PHIP: variants seen among roughly 807,000 people sequenced by gnomAD.
The protein encoded by PHIP is PHIP subunit of CUL4-Ring ligase complex.
In PHIP, 54 loss-of-function variants were observed where a neutral mutation model predicts 236.8. That is an observed-to-expected ratio of 0.23 (90% CI 0.18 to 0.29). PHIP has a LOEUF of 0.29. Among genes scored for constraint, PHIP ranks in the 10% least tolerant of loss-of-function variants. The pLI is 1.00. For missense variants in PHIP, 1,370 were observed against 2,190.8 expected (o/e 0.63, Z 7.48); for synonymous variants, 756 against 718.9 (o/e 1.05, Z -0.83).
At chr6:78,979,530 A>C (rs1419370542) in intron 23 of PHIP, among the ~76,000 whole-genome samples, 1 of 152,096 alleles carries the variant, frequency 6.6e-6, no homozygotes, top group East Asian at 1.9e-4. Context: ...CATAAGCTGG[A>C]CATTACACTT....
intron 7 of PHIP, among the ~76,000 whole-genome samples, chr6:79,028,540 C>T (rs1287060680): frequency 6.6e-6 from 1 of 152,146 alleles, no homozygotes; most frequent in Non-Finnish European, 1.5e-5. Flanking sequence ...GAAAGCTGGT[C>T]TATACGCACA....
chr6:78,941,274 C>T lies in PHIP; in HGVS notation c.4885G>A (p.Gly1629Arg), dbSNP rs752612974. The T allele has an allele frequency of 1.1e-5, 17 of 1,613,138 alleles. No homozygotes were observed. The South Asian group carries it at 1.9e-4, about 18-fold the overall frequency. The change falls in exon 40 of 40, where the codon GGA (glycine) becomes AGA (arginine). Residue 1629 changes from glycine to arginine, a missense_variant. By Grantham distance (125) the Gly-to-Arg change is moderately radical. This residue lies in a region of PHIP where 309 missense variants were observed against 328.3 expected (regional missense o/e 0.94). Transcript: ENST00000275034. ...CTCTTCACAAGTTTTGATGGCTGTC[C>T]TCCATGGCCATTTACTTGAATGGTT... ...PGTIQVNGHG[G>R]QPSKLVKRGP...
chr6:78,957,930 G>A (rs1175268060), intron 32 of PHIP: 2 of 152,008 alleles, frequency 1.3e-5, no homozygotes, highest in East Asian at 3.8e-4. Flanking sequence ...TCAGTCTCCT[G>A]CTGGACTATT....
chr6:78,955,381 C>A (rs922186656), intron 33 of PHIP, 99 bp from the exon 34 acceptor site: 4 of 862,412 alleles, frequency 4.6e-6, no homozygotes, highest in African/African-American at 1.7e-5. Context: ...CACTGGAACA[C>A]CTGTAATGTA....
In PHIP at chr6:78,983,048, A is replaced by C. The variant is rs138242082; in HGVS notation, c.2607T>G (p.Val869=). ...CTGCTTTCTTGGTTTTATTCTTAGG[A>C]ACTTTCTTTGGTGGCTGCAGATTAA... The part of the protein sequence containing the change: ...AGINLQPPKK[V]PKNKTKKAES... Residue 869 remains valine, a synonymous_variant, in exon 23 of 40, where the codon GTT becomes GTG. Transcript: ENST00000275034. The C allele has an allele frequency of 4.3e-6, 7 of 1,612,048 alleles. No individual in the cohort carries two copies. The African/African-American group carries it at 9.4e-5, about 22-fold the overall frequency.
chr6:78,965,637 A>T, intron 29 of PHIP, 66 bp downstream of exon 29: 1 of 900,220 alleles, frequency 1.1e-6, no homozygotes, highest in South Asian at 1.5e-5. Context: ...ATGTTAGCAA[A>T]TCTTAAATAA....
chr6:78,997,348 G>T, intron 19 of PHIP, 66 bp downstream of exon 19: 2 of 1,360,010 alleles, frequency 1.5e-6, no homozygotes, highest in Non-Finnish European at 2.1e-6. Flanking sequence ...TAACAGCTGT[G>T]AATGCTGTTA....
At position 78,945,446 on chromosome 6, in the gene PHIP, G is replaced by T. The variant is rs371238791; in HGVS notation, c.4682C>A (p.Pro1561His). The change falls in exon 39 of 40, where the codon CCT becomes CAT. Residue 1561 changes from proline (P) to histidine (H), a missense_variant. Physicochemically the swap from Pro to His is moderately conservative, Grantham distance 77. Transcript: ENST00000275034. ...GCCATGACTAAAACTGGATTGACCAGGACTGGAAAGAGTATTCAAAGCTTT... is the reference window on the plus strand; with the variant it reads ...GCCATGACTAAAACTGGATTGACCATGACTGGAAAGAGTATTCAAAGCTTT... Reference protein sequence around the residue: ...HSKALNTLSSPGQSSFSHGTR... With the variant: ...HSKALNTLSSHGQSSFSHGTR... The T allele has an allele frequency of 3.1e-6, 5 of 1,610,812 alleles. No individual in the cohort carries two copies. Among genetic ancestry groups the T allele is most frequent in the Non-Finnish European group, 4.2e-6 (5 of 1,177,202 alleles).
intron 4 of PHIP, among the ~76,000 whole-genome samples, chr6:79,066,704 G>A (rs1192834389): frequency 6.6e-6 from 1 of 152,112 alleles, no homozygotes; most frequent in Admixed American, 6.5e-5. Flanking sequence ...AATTCTAAGG[G>A]TAAAAGTAGA....
chr6:78,976,742 A>G (rs954263736), intron 24 of PHIP, among the ~76,000 whole-genome samples: 4 of 146,994 alleles, frequency 2.7e-5, no homozygotes, highest in African/African-American at 1.0e-4. Flanking sequence ...TCTCAAAAGA[A>G]GACATTTATG....
chr6:79,044,902 T>C (rs1000490398), intron 6 of PHIP, among the ~76,000 whole-genome samples: 3 of 152,204 alleles, frequency 2.0e-5, no homozygotes, highest in African/African-American at 7.2e-5. Context: ...ACACAGGTTT[T>C]ACTGAATCTT....
At chr6:79,054,956 T>TA (rs398110341) in intron 6 of PHIP, among the ~76,000 whole-genome samples, 680 of 151,614 alleles carry the variant, frequency 4.5e-3, no homozygotes, top group African/African-American at 0.015. Context: ...TTTTTTTTTT[T>TA]AAATGCAAAG....
intron 14 of PHIP, 64 bp downstream of exon 14, chr6:79,015,566 T>C: frequency 8.3e-7 from 1 of 1,204,614 alleles, no homozygotes; most frequent in Non-Finnish European, 1.2e-6. Flanking sequence ...TATTCCTCAA[T>C]GAGAATGTTT....
intron 29 of PHIP, 119 bp from the exon 30 acceptor site, chr6:78,963,371 A>G: frequency 1.5e-6 from 1 of 682,056 alleles, no homozygotes; most frequent in South Asian, 2.4e-5. Context: ...ATTTGTAAAT[A>G]TACTCTTTAT....
chr6:78,990,156 T>C (rs371623857), intron 20 of PHIP, among the ~76,000 whole-genome samples: 2 of 152,314 alleles, frequency 1.3e-5, no homozygotes, highest in East Asian at 3.9e-4. Context: ...ATAATTGCTT[T>C]AGATAGTGAC....
chr6:79,017,144 G>C (rs980144713), intron 12 of PHIP, among the ~76,000 whole-genome samples: 3 of 152,022 alleles, frequency 2.0e-5, no homozygotes, highest in African/African-American at 7.2e-5. Context: ...ATTACTAAAA[G>C]TGTCCAAGTA....
intron 36 of PHIP, 101 bp from the exon 37 acceptor site, chr6:78,946,975 G>T (rs1773856060): frequency 6.3e-6 from 4 of 636,196 alleles, no homozygotes; most frequent in Admixed American, 3.6e-5. Flanking sequence ...AAAATATTTA[G>T]AATTTAATTA....
chr6:79,035,700 T>C (rs1771899155), intron 7 of PHIP, among the ~76,000 whole-genome samples: 1 of 152,176 alleles, frequency 6.6e-6, no homozygotes, highest in African/African-American at 2.4e-5. Context: ...ATGCCAAAAA[T>C]GTTGTCTGTA....
At chr6:78,973,728 C>G (rs1465224301) in intron 24 of PHIP, among the ~76,000 whole-genome samples, 1 of 151,780 alleles carries the variant, frequency 6.6e-6, no homozygotes, top group Admixed American at 6.6e-5. Flanking sequence ...GGTTGCAATC[C>G]TAGTCTGATA....
Sources: gnomAD v4.1 joint callset for allele counts (sites outside exome capture counted in the v4.1 genomes callset) on GRCh38, gnomAD v4.1.1 for gene constraint, gnomAD v4.1.1 regional missense constraint, MANE v1.5 for transcripts, NCBI Gene and HGNC (gene_info 2026-07-23, HGNC 2026-07-21) for gene names.